Variants in NKAIN2 observed in about 807,000 individuals in gnomAD.
NKAIN2 encodes the protein sodium/potassium-transporting ATPase subunit beta-1-interacting protein 2.
NKAIN2 carries 14 observed loss-of-function variants against 32.6 expected under a neutral mutation model. The observed-to-expected ratio is 0.43, with a 90% CI of 0.28 to 0.67. The LOEUF (loss-of-function observed/expected upper bound fraction) is 0.67, where lower values mean the gene tolerates loss of function less well. Among genes scored for constraint, NKAIN2 ranks in the 30% least tolerant of loss-of-function variants. The probability of loss-of-function intolerance (pLI) is 0.17; values close to 1 mark genes in which losing one functional copy is unlikely to be tolerated. For synonymous variants in NKAIN2, 80 were observed against 87.2 expected (o/e 0.92, Z 0.46); for missense variants, 198 against 258.3 (o/e 0.77, Z 1.60).
chr6:124,055,277 T>C (rs1782593334), intron 1 of NKAIN2, among the ~76,000 whole-genome samples: 1 of 152,078 alleles, frequency 6.6e-6, no homozygotes, highest in Non-Finnish European at 1.5e-5. Context: ...AACGAATGCA[T>C]AATTTTAAAT....
intron 1 of NKAIN2, among the ~76,000 whole-genome samples, chr6:124,021,901 T>A (rs1335982273): frequency 6.6e-6 from 1 of 152,132 alleles, no homozygotes; most frequent in African/African-American, 2.4e-5. Flanking sequence ...ACTCTTTTTT[T>A]ATTATTATTA....
chr6:124,561,055 G>A (rs1453434322), intron 3 of NKAIN2, among the ~76,000 whole-genome samples: 3 of 150,056 alleles, frequency 2.0e-5, no homozygotes, highest in Non-Finnish European at 3.0e-5. Context: ...GTCCTCAGCA[G>A]TGCCCTCATC....
At chr6:124,713,918 T>C (rs1429033607) in intron 4 of NKAIN2, among the ~76,000 whole-genome samples, 5 of 152,200 alleles carry the variant, frequency 3.3e-5, no homozygotes, top group Non-Finnish European at 7.3e-5. Flanking sequence ...TTAAAGGACC[T>C]TCAGTAGTTT....
chr6:124,287,809 G>T (rs981904647), intron 2 of NKAIN2, among the ~76,000 whole-genome samples: 1 of 152,174 alleles, frequency 6.6e-6, no homozygotes, highest in Non-Finnish European at 1.5e-5. Context: ...TTAAGGAGCT[G>T]CACTGGCGCT....
At chr6:124,783,558 G>A (rs2114790661) in intron 4 of NKAIN2, among the ~76,000 whole-genome samples, 1 of 152,236 alleles carries the variant, frequency 6.6e-6, no homozygotes, top group East Asian at 1.9e-4. Flanking sequence ...ATTGCAGGTT[G>A]ATAACTGCAC....
chr6:124,402,420 G>A (rs914571892), intron 3 of NKAIN2, among the ~76,000 whole-genome samples: 36 of 152,184 alleles, frequency 2.4e-4, no homozygotes, highest in Admixed American at 1.4e-3. Context: ...GATAAGTCAA[G>A]TGTTCCTATA....
chr6:124,070,551 G>A (rs1783407322), intron 1 of NKAIN2, among the ~76,000 whole-genome samples: 1 of 152,124 alleles, frequency 6.6e-6, no homozygotes, highest in South Asian at 2.1e-4. Context: ...TCTGTCCTGA[G>A]AGGCAGTCTT....
chr6:124,677,434 G>GTCTA (rs1235737427), intron 4 of NKAIN2, among the ~76,000 whole-genome samples: 1 of 151,822 alleles, frequency 6.6e-6, no homozygotes, highest in Non-Finnish European at 1.5e-5. Flanking sequence ...CACTCTTACA[G>GTCTA]TCTATCTTTA....
At chr6:124,688,314 T>G (rs1377932724) in intron 4 of NKAIN2, among the ~76,000 whole-genome samples, 1 of 152,066 alleles carries the variant, frequency 6.6e-6, no homozygotes, top group Non-Finnish European at 1.5e-5. Flanking sequence ...CTGTTTTTTC[T>G]TATTAAATAC....
At chr6:123,837,010 G>C (rs556759742) in intron 1 of NKAIN2, among the ~76,000 whole-genome samples, 1 of 152,034 alleles carries the variant, frequency 6.6e-6, no homozygotes, top group Non-Finnish European at 1.5e-5. Context: ...ACATAAATCC[G>C]AGGTGTTTGT....
intron 3 of NKAIN2, among the ~76,000 whole-genome samples, chr6:124,428,716 G>C (rs760518695): frequency 6.6e-6 from 1 of 152,076 alleles, no homozygotes; most frequent in African/African-American, 2.4e-5. Context: ...TAGCAAGAAG[G>C]AGATATGTCT....
chr6:124,326,901 C>A (rs948546844), intron 2 of NKAIN2, among the ~76,000 whole-genome samples: 2 of 152,120 alleles, frequency 1.3e-5, no homozygotes, highest in African/African-American at 4.8e-5. Flanking sequence ...CCCTTAGTGA[C>A]CTTAGCCACT....
intron 1 of NKAIN2, among the ~76,000 whole-genome samples, chr6:123,886,957 A>G (rs1773745825): frequency 6.6e-6 from 1 of 152,164 alleles, no homozygotes; most frequent in South Asian, 2.1e-4. Context: ...ATGTATTGGA[A>G]TGCAGATCTT....
At chr6:124,360,122 C>G (rs1044245729) in intron 3 of NKAIN2, among the ~76,000 whole-genome samples, 1 of 152,112 alleles carries the variant, frequency 6.6e-6, no homozygotes, top group Middle Eastern at 3.2e-3. Flanking sequence ...AGGGATGAAG[C>G]CCACTTGATC....
intron 3 of NKAIN2, among the ~76,000 whole-genome samples, chr6:124,651,399 C>G (rs903283375): frequency 1.3e-5 from 2 of 152,202 alleles, no homozygotes; most frequent in African/African-American, 4.8e-5. Flanking sequence ...GCCTCACTAC[C>G]TGTATTCCAC....
At chr6:124,732,319 G>A (rs996119000) in intron 4 of NKAIN2, among the ~76,000 whole-genome samples, 17 of 152,106 alleles carry the variant, frequency 1.1e-4, no homozygotes, top group South Asian at 6.2e-4. Context: ...ATAGAGATAC[G>A]GGCTCTTACG....
intron 1 of NKAIN2, among the ~76,000 whole-genome samples, chr6:123,972,423 C>T (rs959697415): frequency 1.3e-5 from 2 of 152,090 alleles, no homozygotes; most frequent in African/African-American, 2.4e-5. Context: ...GAAGATTAAA[C>T]GCAAACTGAA....
chr6:124,548,717 A>G (rs1406754692), intron 3 of NKAIN2, among the ~76,000 whole-genome samples: 1 of 152,218 alleles, frequency 6.6e-6, no homozygotes, highest in African/African-American at 2.4e-5. Context: ...GAATTTACAG[A>G]GAAGGAAAAA....
chr6:124,017,592 A>C (rs1029295031), intron 1 of NKAIN2, among the ~76,000 whole-genome samples: 1 of 152,106 alleles, frequency 6.6e-6, no homozygotes, highest in Non-Finnish European at 1.5e-5. Flanking sequence ...AAATGGGAGA[A>C]ATTGGCCAAA....
Sources: gnomAD v4.1 joint callset for allele counts (sites outside exome capture counted in the v4.1 genomes callset) on GRCh38, gnomAD v4.1.1 for gene constraint, MANE v1.5 for transcripts, NCBI Gene and HGNC (gene_info 2026-07-23, HGNC 2026-07-21) for gene names.